The following SGPP2 variants were observed in gnomAD, a reference collection of about 807,000 sequenced individuals.
The protein encoded by SGPP2 is sphingosine-1-phosphate phosphatase 2.
A neutral mutation model predicts 33.9 loss-of-function variants in SGPP2; 30 were observed. The observed-to-expected ratio is 0.89, with a 90% CI of 0.66 to 1.20. SGPP2 has a LOEUF of 1.20. Ranked by LOEUF, SGPP2 falls within the 50% of genes most tolerant of loss-of-function variation. SGPP2 has a pLI of 0.00. For synonymous variants in SGPP2, 233 were observed against 225.0 expected, an observed-to-expected ratio of 1.04 and a Z score of -0.32; for missense variants, 458 against 532.1, an observed-to-expected ratio of 0.86 and a Z score of 1.37.
At chr2:222,523,138 G>A (rs1342265278) in intron 3 of SGPP2, among the ~76,000 whole-genome samples, 1 of 152,238 alleles carries the variant, frequency 6.6e-6, no homozygotes, top group African/African-American at 2.4e-5. Context: ...GGAAAGACCA[G>A]GACTAGTGTG....
At chr2:222,482,711 C>T (rs1698047432) in intron 2 of SGPP2, among the ~76,000 whole-genome samples, 1 of 152,212 alleles carries the variant, frequency 6.6e-6, no homozygotes, top group Admixed American at 6.5e-5. Flanking sequence ...CAGCCAGACA[C>T]AGCCCCTGGT....
chr2:222,516,463 T>C (rs533303338), intron 2 of SGPP2, among the ~76,000 whole-genome samples: 1 of 152,346 alleles, frequency 6.6e-6, no homozygotes, highest in East Asian at 1.9e-4. Flanking sequence ...GGGGCTATTA[T>C]AAAAAAGAGC....
At chr2:222,520,279 C>T (rs1286599006) in intron 2 of SGPP2, among the ~76,000 whole-genome samples, 1 of 152,014 alleles carries the variant, frequency 6.6e-6, no homozygotes, top group African/African-American at 2.4e-5. Context: ...TGATGCTGAG[C>T]ATTTTTTCAT....
chr2:222,529,264 A>T (rs1424853508), intron 4 of SGPP2, among the ~76,000 whole-genome samples: 1 of 152,184 alleles, frequency 6.6e-6, no homozygotes, highest in East Asian at 1.9e-4. Context: ...TTCAAGTTTT[A>T]TCATGAGATT....
At chr2:222,515,668 A>G (rs1415662953) in intron 2 of SGPP2, among the ~76,000 whole-genome samples, 2 of 152,168 alleles carry the variant, frequency 1.3e-5, no homozygotes, top group African/African-American at 4.8e-5. Context: ...TAATTCACGT[A>G]CTATACAATT....
Position 222,550,718 on chromosome 2 carries a change from T to C in SGPP2, c.649-7629T>C, listed in dbSNP as rs1047495095. Among the ~76,000 whole-genome samples, 1 of 152,240 alleles carries C rather than the reference T, an allele frequency of 6.6e-6. No homozygotes were observed. Among genetic ancestry groups the C allele is most frequent in the African/African-American group, 2.4e-5 (1 of 41,462 alleles). The stretch of plus-strand genomic sequence containing the variant: ...TGTAAGCAGCATAATATGCTTGATT[T>C]ATTGTTCTAGAGTCTTTCTTATTAT... On this transcript the variant is annotated intron_variant, in intron 4 of 4. Transcript: ENST00000321276. The surrounding 1 kb of genome is among the most constrained non-coding windows in gnomAD (Gnocchi z 4.5).
chr2:222,521,440 G>C (rs1698683492), intron 2 of SGPP2, among the ~76,000 whole-genome samples: 1 of 152,170 alleles, frequency 6.6e-6, no homozygotes, highest in African/African-American at 2.4e-5. Context: ...TTCTCCAGGT[G>C]TTACTAGATT....
At chr2:222,510,934 GA>G (rs1698517473) in intron 2 of SGPP2, among the ~76,000 whole-genome samples, 1 of 152,224 alleles carries the variant, frequency 6.6e-6, no homozygotes, top group South Asian at 2.1e-4. Context: ...GCCAAAAATG[GA>G]AGTGTGGCTT....
intron 4 of SGPP2, among the ~76,000 whole-genome samples, chr2:222,540,504 C>T (rs771646746): frequency 2.4e-4 from 37 of 152,166 alleles, no homozygotes; most frequent in Non-Finnish European, 5.0e-4. Flanking sequence ...CTGTTCATCA[C>T]AGTAGGTTGT....
intron 1 of SGPP2, among the ~76,000 whole-genome samples, chr2:222,440,450 C>A (rs1051541762): frequency 2.6e-5 from 4 of 151,726 alleles, no homozygotes; most frequent in African/African-American, 9.7e-5. Flanking sequence ...TCAAGAGATT[C>A]TCCTGCCTTA....
chr2:222,463,205 GATATCCACTACCAC>G (rs1472793677), intron 1 of SGPP2, among the ~76,000 whole-genome samples: 3 of 152,174 alleles, frequency 2.0e-5, no homozygotes, highest in Non-Finnish European at 2.9e-5. Flanking sequence ...ACTGATCACG[GATATCCACTACCAC>G]ATATCCACAG....
intron 1 of SGPP2, among the ~76,000 whole-genome samples, chr2:222,459,769 C>G (rs940915662): frequency 6.6e-6 from 1 of 152,072 alleles, no homozygotes; most frequent in African/African-American, 2.4e-5. Flanking sequence ...TCCTTTCTGG[C>G]CTTCAACTCC....
intron 2 of SGPP2, among the ~76,000 whole-genome samples, chr2:222,513,614 G>C (rs907780041): frequency 6.6e-6 from 1 of 151,794 alleles, no homozygotes; most frequent in Middle Eastern, 3.2e-3. Flanking sequence ...TGTTGAGATG[G>C]TAAGATCATC....
At chr2:222,435,038 G>GTGTATATATACACATATATATATA (rs1312565889) in intron 1 of SGPP2, among the ~76,000 whole-genome samples, 2 of 148,576 alleles carry the variant, frequency 1.3e-5, no homozygotes, top group Non-Finnish European at 3.0e-5. Flanking sequence ...GTATATATAT[G>GTGTATATATACACATATATATATA]TGTATATATA....
At chr2:222,432,760 G>A (rs989870510) in intron 1 of SGPP2, among the ~76,000 whole-genome samples, 4 of 152,146 alleles carry the variant, frequency 2.6e-5, no homozygotes, top group Non-Finnish European at 4.4e-5. Context: ...GGTGGCTCAC[G>A]CCTGTAATCC....
intron 4 of SGPP2, among the ~76,000 whole-genome samples, chr2:222,527,354 G>A (rs1056174512): frequency 3.6e-4 from 55 of 152,210 alleles, no homozygotes; most frequent in African/African-American, 1.2e-3. Flanking sequence ...TGAACCCGCT[G>A]TGACTCTGAG....
chr2:222,526,051 T>C (rs1323392249), intron 4 of SGPP2, among the ~76,000 whole-genome samples: 2 of 152,164 alleles, frequency 1.3e-5, no homozygotes, highest in Admixed American at 1.3e-4. Flanking sequence ...CCTCTTAAAA[T>C]GCAAAGGAAG....
intron 1 of SGPP2, among the ~76,000 whole-genome samples, chr2:222,428,795 T>C (rs987524359): frequency 3.8e-4 from 54 of 141,282 alleles, no homozygotes; most frequent in African/African-American, 1.3e-3. Flanking sequence ...CTTTTTTTTT[T>C]TTTTTTTTTT....
intron 2 of SGPP2, among the ~76,000 whole-genome samples, chr2:222,511,190 C>T (rs1698521274): frequency 6.6e-6 from 1 of 152,120 alleles, no homozygotes; most frequent in African/African-American, 2.4e-5. Flanking sequence ...AGAACAGAGC[C>T]CATGCTGGAA....
Sources: gnomAD v4.1 joint callset for allele counts (sites outside exome capture counted in the v4.1 genomes callset) on GRCh38, gnomAD v4.1.1 for gene constraint, Gnocchi (gnomAD v3.1) non-coding constraint, MANE v1.5 for transcripts, NCBI Gene and HGNC (gene_info 2026-07-23, HGNC 2026-07-21) for gene names.